Variants in AGMO observed in about 807,000 individuals in gnomAD.
AGMO encodes glyceryl-ether monooxygenase.
A neutral mutation model predicts 60.2 loss-of-function variants in AGMO; 75 were observed. That is an observed-to-expected ratio of 1.25 (90% confidence interval 1.03 to 1.51). The LOEUF is 1.51. Among genes scored for constraint, AGMO ranks in the 40% most tolerant of loss-of-function variants. The pLI, the probability that AGMO is intolerant of heterozygous loss-of-function variation, is 0.00. For synonymous variants in AGMO, 261 were observed against 177.1 expected (o/e 1.47, Z -3.76); for missense variants, 763 against 525.5 (o/e 1.45, Z -4.42).
the AGMO span, among the ~76,000 whole-genome samples, chr7:15,153,950 A>C: frequency 6.6e-6 from 1 of 152,208 alleles, no homozygotes; most frequent in African/African-American, 2.4e-5. Flanking sequence ...AGTCATTTTC[A>C]CAATATTGAT....
intron 12 of AGMO, among the ~76,000 whole-genome samples, chr7:15,321,620 T>A (rs1006623349): frequency 1.3e-5 from 2 of 152,130 alleles, no homozygotes; most frequent in Non-Finnish European, 2.9e-5. Flanking sequence ...TTGAATTTAA[T>A]AGTGCAAGAT....
chr7:15,255,762 C>T (rs754156389), intron 12 of AGMO, among the ~76,000 whole-genome samples: 22 of 151,998 alleles, frequency 1.4e-4, no homozygotes, highest in Non-Finnish European at 2.9e-4. Flanking sequence ...AGATAAAGGC[C>T]ATATCATTTC....
chr7:15,136,243 T>C, the AGMO span, among the ~76,000 whole-genome samples: 62,575 of 151,788 alleles, frequency 0.41, 13,259 homozygotes, highest in South Asian at 0.56. Context: ...TCTGCTTGCC[T>C]CGGCCTCCCA....
chr7:15,545,262 G>C (rs1784746822), intron 2 of AGMO, among the ~76,000 whole-genome samples: 1 of 152,050 alleles, frequency 6.6e-6, no homozygotes, highest in South Asian at 2.1e-4. Context: ...TAATTTCTGT[G>C]ATTGTCATTT....
intron 12 of AGMO, among the ~76,000 whole-genome samples, chr7:15,343,549 A>G (rs1192344321): frequency 6.6e-6 from 1 of 152,160 alleles, no homozygotes; most frequent in Non-Finnish European, 1.5e-5. Flanking sequence ...AGGACTTATT[A>G]CTATCAGGTA....
At chr7:15,372,149 G>A (rs1288548881) in intron 10 of AGMO, among the ~76,000 whole-genome samples, 3 of 101,660 alleles carry the variant, frequency 3.0e-5, no homozygotes, top group Non-Finnish European at 6.1e-5. Flanking sequence ...TCAGTTGAAC[G>A]TCTCTAAAGT....
At chr7:15,501,734 T>G (rs80216317) in intron 3 of AGMO, among the ~76,000 whole-genome samples, 2,284 of 151,920 alleles carry the variant, frequency 0.015, 54 homozygotes, top group African/African-American at 0.052. Context: ...TGAGTACAAT[T>G]GAACAAGAAA....
the AGMO span, among the ~76,000 whole-genome samples, chr7:15,170,672 ATAAT>A: frequency 3.3e-5 from 5 of 152,222 alleles, no homozygotes; most frequent in Non-Finnish European, 7.3e-5. Context: ...TACAGTTGTC[ATAAT>A]TAATGAACCA....
chr7:15,502,515 A>T (rs992078132), intron 3 of AGMO, among the ~76,000 whole-genome samples: 1 of 151,742 alleles, frequency 6.6e-6, no homozygotes, highest in African/African-American at 2.4e-5. Context: ...GATGGTTTTG[A>T]GGGTCTGGCT....
chr7:15,462,593 C>CCCAATGCAAGGAAGCTAA (rs1782171439), intron 3 of AGMO, among the ~76,000 whole-genome samples: 1 of 152,118 alleles, frequency 6.6e-6, no homozygotes, highest in Non-Finnish European at 1.5e-5. Flanking sequence ...AAGACATGTA[C>CCCAATGCAAGGAAGCTAA]GAGCTTTAGA....
At chr7:15,348,861 A>C (rs934213201) in intron 12 of AGMO, among the ~76,000 whole-genome samples, 1 of 152,100 alleles carries the variant, frequency 6.6e-6, no homozygotes, top group Non-Finnish European at 1.5e-5. Flanking sequence ...AATATTTAGC[A>C]AACTGAAAAA....
chr7:15,252,442 A>G (rs1782967810), intron 12 of AGMO, among the ~76,000 whole-genome samples: 1 of 152,206 alleles, frequency 6.6e-6, no homozygotes, highest in East Asian at 1.9e-4. Flanking sequence ...TACATTACAT[A>G]TGACTGTACT....
In AGMO at chr7:15,509,158, G is replaced by A. The variant is rs184351088; in HGVS notation, c.409+35614C>T. ...CTGGAAGACTAAGTAATATAATTAAGAGCAAATAATTAGATACTACATTGA... is the reference window on the plus strand; with the variant it reads ...CTGGAAGACTAAGTAATATAATTAAAAGCAAATAATTAGATACTACATTGA... On this transcript the variant is annotated intron_variant, in intron 3 of 12. Coordinates refer to ENST00000342526, the MANE Select transcript of AGMO (RefSeq NM_001004320.2). 1.6e-4 allele frequency among the ~76,000 whole-genome samples: 25 copies of A among 152,180 alleles called. No individual in the cohort carries two copies. In the East Asian group the frequency reaches 4.8e-3, roughly 29 times the overall value.
At chr7:15,189,824 A>AAC in the AGMO span, among the ~76,000 whole-genome samples, 2 of 150,734 alleles carry the variant, frequency 1.3e-5, no homozygotes, top group Admixed American at 6.6e-5. Flanking sequence ...GTTTTCAGAA[A>AAC]TGTAAACTAT....
chr7:15,223,945 A>T (rs893362109), intron 12 of AGMO, among the ~76,000 whole-genome samples: 1 of 152,096 alleles, frequency 6.6e-6, no homozygotes, highest in Non-Finnish European at 1.5e-5. Context: ...ACTTGAAACA[A>T]ACTTGGCTGG....
At position 15,531,463 on chromosome 7, in the gene AGMO, T is replaced by TTC. The variant is rs1784348793; in HGVS notation, c.409+13307_409+13308dup. On this transcript the variant is annotated intron_variant, in intron 3 of 12. Transcript: ENST00000342526. ...ATTCTATATATATTCTCTATATATA[T>TTC]TCTATATATATTCTCTATATATATT... Among the ~76,000 whole-genome samples, 9 of 60,750 alleles carry TTC rather than the reference T, an allele frequency of 1.5e-4. 4 individuals carry two copies. Among genetic ancestry groups the TTC allele is most frequent in the Admixed American group, 6.1e-4 (2 of 3,282 alleles). The allele number at this position is 60,750 out of a possible 152,430, so 39.9% of individuals were successfully genotyped here.
In AGMO at chr7:15,458,621, C is replaced by G. The variant is rs1337561290; in HGVS notation, c.410-27513G>C. On this transcript the variant is annotated intron_variant, in intron 3 of 12. Coordinates refer to ENST00000342526, the MANE Select transcript of AGMO (RefSeq NM_001004320.2). ...AGACAGTATTAAACAGAAGTCTGCA[C>G]ATTATCTTGGATTTTTATGGCTCTC... Among the ~76,000 whole-genome samples, 11 of 152,166 alleles carry G rather than the reference C, an allele frequency of 7.2e-5. 1 individual carries two copies. Among genetic ancestry groups the G allele is most frequent in the Admixed American group, 7.2e-4 (11 of 15,260 alleles).
chr7:15,556,227 T>G (rs1203148446), intron 2 of AGMO, among the ~76,000 whole-genome samples: 1 of 144,060 alleles, frequency 6.9e-6, no homozygotes, highest in Non-Finnish European at 1.5e-5. Context: ...TAGTTTTTTT[T>G]TTTTTTTTTT....
rs531551625 is a variant in AGMO at position 15,327,385 on chromosome 7, T to C, written c.1263+38129A>G. ...TTAATCAGCTACCAAAAGGCATGCT[T>C]GGAACCGGATACAAAAAAGAAAAGC... On this transcript the variant is annotated intron_variant, in intron 12 of 12. Coordinates refer to ENST00000342526, the MANE Select transcript of AGMO (RefSeq NM_001004320.2). Among the ~76,000 whole-genome samples, 179 of 152,268 alleles carry C rather than the reference T, an allele frequency of 1.2e-3. 2 individuals are homozygous for C. The highest frequency in any genetic ancestry group is 4.2e-3 in the African/African-American group (175 of 41,554).
Sources: gnomAD v4.1 joint callset for allele counts (sites outside exome capture counted in the v4.1 genomes callset) on GRCh38, gnomAD v4.1.1 for gene constraint, MANE v1.5 for transcripts, NCBI Gene and HGNC (gene_info 2026-07-23, HGNC 2026-07-21) for gene names.